SLC4A1AP: variants seen among roughly 807,000 people sequenced by gnomAD.
SLC4A1AP encodes kanadaptin.
Under a neutral mutation model 89.7 loss-of-function variants are expected in SLC4A1AP, and 64 were observed. The ratio of observed to expected loss-of-function variants is 0.71; its 90% confidence interval spans 0.58 to 0.88. The LOEUF is 0.88. SLC4A1AP is among the 40% of genes least tolerant of loss of function. SLC4A1AP has a pLI of 0.00. For missense variants in SLC4A1AP, 931 were observed against 965.0 expected, an observed-to-expected ratio of 0.96 and a Z score of 0.47; for synonymous variants, 366 against 353.3, an observed-to-expected ratio of 1.04 and a Z score of -0.40.
intron 13 of SLC4A1AP, among the ~76,000 whole-genome samples, chr2:27,694,277 G>T (rs1032790636): frequency 1.1e-4 from 16 of 152,062 alleles, no homozygotes; most frequent in African/African-American, 3.4e-4. Flanking sequence ...ACATTTTAAA[G>T]ATATTATAAA....
chr2:27,678,178 T>A (rs1572993041), intron 8 of SLC4A1AP, among the ~76,000 whole-genome samples: 1 of 152,218 alleles, frequency 6.6e-6, no homozygotes, highest in African/African-American at 2.4e-5. Flanking sequence ...AAGTTTTTTT[T>A]ACTTAATCTT....
rs147092779 is a variant in SLC4A1AP, at chr2:27,664,210, C to T, written c.458C>T (p.Pro153Leu). 1.2e-4 allele frequency: 192 copies of T among 1,614,056 alleles called. 1 individual carries two copies. Among genetic ancestry groups the T allele is most frequent in the Non-Finnish European group, 1.5e-4 (180 of 1,180,024 alleles). Reference sequence around the variant, plus strand: ...CCTGGCGGTCCAGCCCGGGCTCCCCCCTACCAAGAGCCTCCATGGGGTGGC... The same window carrying T: ...CCTGGCGGTCCAGCCCGGGCTCCCCTCTACCAAGAGCCTCCATGGGGTGGC... The change falls in exon 1 of 14, where the codon CCC becomes CTC. Residue 153 changes from proline to leucine, a missense_variant. By Grantham distance (98) the Pro-to-Leu change is moderately conservative. Coordinates refer to ENST00000613058, the Ensembl canonical transcript of SLC4A1AP.
At chr2:27,679,493 T>C (rs1312752569) in intron 8 of SLC4A1AP, among the ~76,000 whole-genome samples, 4 of 152,028 alleles carry the variant, frequency 2.6e-5, no homozygotes, top group Non-Finnish European at 5.9e-5. Flanking sequence ...TCCCAGCTAC[T>C]TGGGAGCCTG....
intron 6 of SLC4A1AP, 96 bp downstream of exon 6, chr2:27,675,788 G>C: frequency 1.2e-6 from 1 of 835,948 alleles, no homozygotes; most frequent in Non-Finnish European, 1.7e-6. Flanking sequence ...AATTTTTAAA[G>C]TAGTAGCATT....
intron 10 of SLC4A1AP, among the ~76,000 whole-genome samples, chr2:27,686,699 G>A (rs967707738): frequency 7.2e-5 from 11 of 152,120 alleles, no homozygotes; most frequent in African/African-American, 2.2e-4. Flanking sequence ...GCTTGAACCC[G>A]GGAGACAGAA....
At chr2:27,673,677 C>T (rs1001882794) in intron 5 of SLC4A1AP, among the ~76,000 whole-genome samples, 2 of 151,916 alleles carry the variant, frequency 1.3e-5, no homozygotes, top group African/African-American at 4.8e-5. Context: ...GCTATGTTGC[C>T]CAGGCGTGGG....
chr2:27,667,276 G>A (rs1270655481), exon 3 of SLC4A1AP: 1 of 1,610,988 alleles, frequency 6.2e-7, no homozygotes, highest in Non-Finnish European at 8.5e-7. Flanking sequence ...AGGAGAAGAT[G>A]CAGTAGAGGA....
At chr2:27,692,287 T>A (rs1675800296) in intron 12 of SLC4A1AP, 1 of 152,230 alleles carries the variant, frequency 6.6e-6, no homozygotes, top group Admixed American at 6.5e-5. Flanking sequence ...TTGTTTAATT[T>A]CCATGTATTT....
At chr2:27,664,244 A>C in exon 1 of SLC4A1AP, 1 of 1,614,136 alleles carries the variant, frequency 6.2e-7, no homozygotes, top group South Asian at 1.1e-5. Context: ...GCCCTGCCAC[A>C]GCCCCCTACA....
At chr2:27,663,889 G>A (rs1298576522) in exon 1 of SLC4A1AP, 2 of 1,614,048 alleles carry the variant, frequency 1.2e-6, no homozygotes, top group Non-Finnish European at 1.7e-6. Context: ...TCGAAGGAGC[G>A]GATTTCGAAG....
chr2:27,664,996 G>T, intron 1 of SLC4A1AP, 104 bp from the exon 2 acceptor site: 1 of 819,654 alleles, frequency 1.2e-6, no homozygotes. Context: ...GGTCAAGGCT[G>T]CAGTGAGGTG....
exon 9 of SLC4A1AP, chr2:27,682,359 G>A: frequency 2.5e-6 from 4 of 1,591,054 alleles, no homozygotes; most frequent in Non-Finnish European, 3.4e-6. Context: ...GAACAGTAGG[G>A]GTAAGTTGTG....
intron 3 of SLC4A1AP, 69 bp from the exon 4 acceptor site, chr2:27,668,774 A>T (rs1386901558): frequency 1.4e-5 from 19 of 1,379,800 alleles, no homozygotes; most frequent in Non-Finnish European, 1.9e-5. Context: ...GTTTGTTCTC[A>T]TTTATCATTG....
intron 9 of SLC4A1AP, among the ~76,000 whole-genome samples, chr2:27,684,575 C>G (rs1375777803): frequency 6.6e-6 from 1 of 152,080 alleles, no homozygotes; most frequent in Non-Finnish European, 1.5e-5. Context: ...TGTCTTCCTC[C>G]TTTTCTTCAG....
At position 27,693,612 on chromosome 2, in the gene SLC4A1AP, C is replaced by A. The variant is rs2148142999; in HGVS notation, c.2272-73C>A. ...CTTAAGGAGGCTAACAATAGGACCC[C>A]AATCCCTTCTGCAGTTGTAAGGTTT... On this transcript the variant is annotated intron_variant, in intron 12 of 13. Coordinates refer to ENST00000613058, the Ensembl canonical transcript of SLC4A1AP. 8.2e-6 allele frequency: 10 copies of A among 1,223,754 alleles called. No individual in the cohort carries two copies. In the South Asian group the frequency reaches 1.2e-4, roughly 14 times the overall value. The allele number at this position is 1,223,754 out of a possible 1,614,324, so 75.8% of individuals were successfully genotyped here.
At chr2:27,664,210 C>G (rs147092779) in exon 1 of SLC4A1AP, 54 of 1,614,174 alleles carry the variant, frequency 3.3e-5, no homozygotes, top group African/African-American at 2.0e-4. Context: ...CGGGCTCCCC[C>G]CTACCAAGAG....
chr2:27,682,268 G>T, exon 9 of SLC4A1AP: 8 of 1,613,144 alleles, frequency 5.0e-6, no homozygotes, highest in Non-Finnish European at 6.8e-6. Flanking sequence ...CAGACTACAG[G>T]TGCAGAAAAC....
In SLC4A1AP at chr2:27,667,850, A is replaced by G. The variant is rs542915739; in HGVS notation, c.1144+460A>G. On this transcript the variant is annotated intron_variant, in intron 3 of 13. Coordinates refer to ENST00000613058, the Ensembl canonical transcript of SLC4A1AP. ...TTTGAGAGAATATCTATGTATATGTATGTATATCTGTATATATTTTATATG... is the reference window on the plus strand; with the variant it reads ...TTTGAGAGAATATCTATGTATATGTGTGTATATCTGTATATATTTTATATG... Among the ~76,000 whole-genome samples the G allele has an allele frequency of 2.6e-5, 4 of 151,428 alleles. No homozygotes were observed. In the East Asian group the frequency reaches 7.7e-4, roughly 29 times the overall value.
intron 8 of SLC4A1AP, among the ~76,000 whole-genome samples, 156 bp downstream of exon 8, chr2:27,678,080 A>G (rs1675553973): frequency 6.6e-6 from 1 of 152,240 alleles, no homozygotes; most frequent in Non-Finnish European, 1.5e-5. Context: ...TAGAGTAACT[A>G]AAAACCTGTT....
Sources: allele counts gnomAD v4.1 joint callset (sites outside exome capture counted in the v4.1 genomes callset), GRCh38; gene constraint gnomAD v4.1.1; transcripts MANE v1.5; gene names NCBI Gene and HGNC (gene_info 2026-07-23, HGNC 2026-07-21).